CHCHD3: variants seen among roughly 807,000 people sequenced by gnomAD.
CHCHD3 encodes MICOS complex subunit MIC19.
Under a neutral mutation model 38.2 loss-of-function variants are expected in CHCHD3, and 20 were observed. The observed-to-expected ratio is 0.52, with a 90% CI of 0.37 to 0.76. The LOEUF (loss-of-function observed/expected upper bound fraction) is 0.76, where lower values mean the gene tolerates loss of function less well. CHCHD3 is among the 30% of genes least tolerant of loss of function. CHCHD3 has a pLI of 0.00. For missense variants in CHCHD3, 245 were observed against 279.2 expected (o/e 0.88, Z 0.87); for synonymous variants, 82 against 100.0 (o/e 0.82, Z 1.07).
chr7:132,843,813 A>T (rs985367077), intron 5 of CHCHD3, among the ~76,000 whole-genome samples: 1 of 146,938 alleles, frequency 6.8e-6, no homozygotes, highest in Non-Finnish European at 1.5e-5. Context: ...AGTAGGATAT[A>T]TATCAATTTG....
At chr7:132,956,016 C>T (rs1332650808) in intron 4 of CHCHD3, among the ~76,000 whole-genome samples, 1 of 152,220 alleles carries the variant, frequency 6.6e-6, no homozygotes, top group Non-Finnish European at 1.5e-5. Context: ...AAGGATTTAA[C>T]AGAGCCTGAC....
At chr7:133,048,104 A>G (rs1354993171) in intron 2 of CHCHD3, among the ~76,000 whole-genome samples, 1 of 151,996 alleles carries the variant, frequency 6.6e-6, no homozygotes, top group East Asian at 1.9e-4. Context: ...CAACAACGAC[A>G]ACAACAAAAC....
intron 3 of CHCHD3, among the ~76,000 whole-genome samples, chr7:132,992,805 T>C (rs2117374522): frequency 6.6e-6 from 1 of 152,362 alleles, no homozygotes; most frequent in East Asian, 1.9e-4. Flanking sequence ...TTTTGCCTTT[T>C]CAGCTCTTAA....
chr7:132,949,677 T>C (rs1373731703), intron 4 of CHCHD3, among the ~76,000 whole-genome samples: 1 of 151,980 alleles, frequency 6.6e-6, no homozygotes, highest in African/African-American at 2.4e-5. Flanking sequence ...TTCAAACAAA[T>C]AAGAGAAACC....
intron 4 of CHCHD3, among the ~76,000 whole-genome samples, chr7:132,959,722 C>CAAAAAAA (rs376282108): frequency 9.1e-5 from 4 of 43,972 alleles, no homozygotes; most frequent in Admixed American, 2.3e-4. Context: ...AACTCCGTCT[C>CAAAAAAA]AAAAAAAAAA....
intron 2 of CHCHD3, among the ~76,000 whole-genome samples, chr7:133,068,095 G>T (rs1814723815): frequency 6.6e-6 from 1 of 151,646 alleles, no homozygotes; most frequent in Admixed American, 6.6e-5. Flanking sequence ...CAGCCTGGGA[G>T]ACAGCGAGAC....
intron 2 of CHCHD3, among the ~76,000 whole-genome samples, chr7:133,062,699 C>T (rs912162184): frequency 2.0e-5 from 3 of 152,142 alleles, no homozygotes; most frequent in East Asian, 1.9e-4. Flanking sequence ...ACTTCCAGCT[C>T]CTGAGTACTG....
intron 5 of CHCHD3, among the ~76,000 whole-genome samples, chr7:132,846,876 T>G (rs1298238975): frequency 6.6e-6 from 1 of 152,228 alleles, no homozygotes; most frequent in Non-Finnish European, 1.5e-5. Flanking sequence ...AAAAAGGAAA[T>G]GTATATCACT....
At chr7:132,972,600 C>A in intron 4 of CHCHD3, 1 of 985,330 alleles carries the variant, frequency 1.0e-6, no homozygotes, top group Non-Finnish European at 1.2e-6. Flanking sequence ...AAATTGGGAA[C>A]TGCCCAATAA....
chr7:132,910,072 A>C (rs1364297110), intron 4 of CHCHD3, among the ~76,000 whole-genome samples: 1 of 152,200 alleles, frequency 6.6e-6, no homozygotes, highest in East Asian at 1.9e-4. Flanking sequence ...GATCCAAAAT[A>C]CAGTAGTCAC....
In CHCHD3 at chr7:133,034,801, C is replaced by T. The variant is rs1223659512; in HGVS notation, c.170-10174G>A. 3 of 1,612,664 alleles carry T rather than the reference C, an allele frequency of 1.9e-6. No individual in the cohort carries two copies. In the Admixed American group the frequency reaches 5.0e-5, roughly 27 times the overall value. On this transcript the variant is annotated intron_variant, in intron 2 of 7. Transcript: ENST00000262570. ...AGCTCCTGGCCTCGGAAGACCCAGA[C>T]TCCAGAAATGGAGCTGCTATTGTTG...
chr7:133,018,969 C>T lies in CHCHD3; in HGVS notation c.251+5577G>A, dbSNP rs188005566. ...CGCGATCTTGGCTCACCACAACCTC[C>T]ACCTCCCGGGTTCAAGCGATTCTCG... On this transcript the variant is annotated intron_variant, in intron 3 of 7. Coordinates refer to ENST00000262570, the MANE Select transcript of CHCHD3 (RefSeq NM_017812.4). Among the ~76,000 whole-genome samples, 902 of 150,654 alleles carry T rather than the reference C, an allele frequency of 6.0e-3. 2 individuals carry two copies. The highest frequency in any genetic ancestry group is 0.034 in the South Asian group (162 of 4,770).
chr7:132,905,840 A>C (rs1809791915), intron 4 of CHCHD3, among the ~76,000 whole-genome samples: 1 of 152,220 alleles, frequency 6.6e-6, no homozygotes, highest in Non-Finnish European at 1.5e-5. Context: ...TGAGTACTGT[A>C]CTGCAGAGTG....
In CHCHD3 at chr7:133,070,192, G is replaced by C. The variant is rs770565570; in HGVS notation, c.119C>G (p.Ser40Cys). The C allele has an allele frequency of 1.2e-6, 2 of 1,613,474 alleles. No homozygotes were observed. The highest frequency in any genetic ancestry group is 1.1e-5 in the South Asian group (1 of 90,990). ...CCGCTGAGACTTCGAACCAGATGGA[G>C]AGGATTCCTTCATTCGATCAATCAC... ...ENVIDRMKES[S>C]PSGSKSQRYS... Residue 40 changes from serine to cysteine, a missense_variant, in exon 2 of 8, where the codon TCT becomes TGT. Transcript: ENST00000262570.
chr7:132,911,708 G>A (rs1052102425), intron 4 of CHCHD3, among the ~76,000 whole-genome samples: 8 of 152,194 alleles, frequency 5.3e-5, no homozygotes, highest in African/African-American at 1.9e-4. Context: ...TGTCTTTTGT[G>A]ATGGCTTCAT....
intron 3 of CHCHD3, among the ~76,000 whole-genome samples, chr7:133,005,741 T>G (rs1041864676): frequency 1.3e-5 from 2 of 152,230 alleles, no homozygotes; most frequent in Non-Finnish European, 2.9e-5. Flanking sequence ...ATAGAGGGTA[T>G]TGTTTTACTT....
intron 3 of CHCHD3, among the ~76,000 whole-genome samples, chr7:133,007,325 T>C (rs1364090429): frequency 3.3e-5 from 5 of 152,210 alleles, no homozygotes; most frequent in African/African-American, 1.2e-4. Context: ...CTTTAGTTAT[T>C]GTCTCGTTCT....
chr7:132,868,837 G>C (rs1040058520), intron 5 of CHCHD3, among the ~76,000 whole-genome samples: 11 of 152,080 alleles, frequency 7.2e-5, no homozygotes, highest in African/African-American at 2.4e-4. Flanking sequence ...GGCTGTCGGA[G>C]AGTAACTGCT....
rs549890615 is a variant in CHCHD3 at position 132,902,221 on chromosome 7, G to A, written c.370-16476C>T. On this transcript the variant is annotated intron_variant, in intron 4 of 7. Coordinates refer to ENST00000262570, the MANE Select transcript of CHCHD3 (RefSeq NM_017812.4). ...AGGAACACTTTTACACTGTTGGTGG[G>A]ACTGTAAACTAGTTCAACCACTGTG... Among the ~76,000 whole-genome samples the A allele has an allele frequency of 2.1e-4, 32 of 152,310 alleles. No individual in the cohort carries two copies. The East Asian group carries it at 6.0e-3, about 29-fold the overall frequency.
Sources: gnomAD v4.1 joint callset for allele counts (sites outside exome capture counted in the v4.1 genomes callset) on GRCh38, gnomAD v4.1.1 for gene constraint, MANE v1.5 for transcripts, NCBI Gene and HGNC (gene_info 2026-07-23, HGNC 2026-07-21) for gene names.